The following DOCK5 variants were observed in gnomAD, a reference collection of about 807,000 sequenced individuals.
The protein encoded by DOCK5 is dedicator of cytokinesis protein 5.
A neutral mutation model predicts 251.8 loss-of-function variants in DOCK5; 142 were observed. That is an observed-to-expected ratio of 0.56 (90% CI 0.49 to 0.65). The LOEUF is 0.65. Ranked by LOEUF, DOCK5 falls within the 30% of genes least tolerant of loss-of-function variation. The pLI is 0.00. For synonymous variants in DOCK5, 842 were observed against 835.5 expected (o/e 1.01, Z -0.13); for missense variants, 2,111 against 2,312.3 (o/e 0.91, Z 1.79).
intron 1 of DOCK5, among the ~76,000 whole-genome samples, chr8:25,213,242 G>A (rs1162727829): frequency 6.6e-6 from 1 of 151,870 alleles, no homozygotes. Context: ...AAATGAATGG[G>A]CACCAGGATG....
At chr8:25,250,475 C>A (rs575695294) in intron 2 of DOCK5, among the ~76,000 whole-genome samples, 2 of 152,252 alleles carry the variant, frequency 1.3e-5, no homozygotes, top group Admixed American at 1.3e-4. Context: ...TATTTGGCAG[C>A]GAGGTAGCTG....
chr8:25,220,470 C>T (rs550003536), intron 1 of DOCK5, among the ~76,000 whole-genome samples: 3 of 152,182 alleles, frequency 2.0e-5, no homozygotes, highest in East Asian at 3.9e-4. Flanking sequence ...GATTTCATAC[C>T]GAGGCAGGAC....
intron 23 of DOCK5, 108 bp from the exon 24 acceptor site, chr8:25,341,631 G>A: frequency 1.1e-6 from 1 of 875,272 alleles, no homozygotes; most frequent in Non-Finnish European, 1.8e-6. Flanking sequence ...TCTGTGTCCA[G>A]TTCCCTATAT....
intron 2 of DOCK5, among the ~76,000 whole-genome samples, chr8:25,258,508 A>G (rs917834103): frequency 8.5e-5 from 13 of 152,146 alleles, no homozygotes; most frequent in Non-Finnish European, 5.9e-5. Flanking sequence ...GGTGTCACAC[A>G]AGCTCTCTTT....
intron 1 of DOCK5, among the ~76,000 whole-genome samples, chr8:25,233,505 A>G (rs537206660): frequency 6.6e-6 from 1 of 152,282 alleles, no homozygotes; most frequent in African/African-American, 2.4e-5. Flanking sequence ...CAAAGACATG[A>G]CCAATAGTTG....
chr8:25,184,872 G>T lies in DOCK5; in HGVS notation c.-37G>T. ...GGCCGGAGCCCGAGGAGCTGTAGCA[G>T]CCTTAGTCGCCGCCGCCGCGGGGCG... On this transcript the variant is annotated 5_prime_UTR_variant, in exon 1 of 52. Transcript: ENST00000276440. 1 of 1,355,130 alleles carries T rather than the reference G, an allele frequency of 7.4e-7. No homozygotes were observed. Among genetic ancestry groups the T allele is most frequent in the Non-Finnish European group, 9.5e-7 (1 of 1,047,418 alleles). The allele number at this position is 1,355,130 out of a possible 1,614,324, so 83.9% of individuals were successfully genotyped here. A position where few individuals can be genotyped will look rare whatever the true frequency, so the allele number is the denominator to read the frequency against.
chr8:25,292,306 T>C (rs1804513813), intron 6 of DOCK5, 134 bp downstream of exon 6: 1 of 1,078,924 alleles, frequency 9.3e-7, no homozygotes, highest in South Asian at 1.8e-5. Flanking sequence ...CATTTTGTCT[T>C]TGAAGACATT....
chr8:25,214,474 G>T (rs1453618065), intron 1 of DOCK5, among the ~76,000 whole-genome samples: 4 of 152,068 alleles, frequency 2.6e-5, no homozygotes, highest in Non-Finnish European at 5.9e-5. Context: ...GCAAATATGG[G>T]TTGTGTCTAA....
In DOCK5 at chr8:25,223,509, C is replaced by T. The variant is rs1317928137; in HGVS notation, c.44-20165C>T. 2.0e-5 allele frequency among the ~76,000 whole-genome samples: 3 copies of T among 152,170 alleles called. No individual in the cohort carries two copies. The South Asian group carries it at 6.2e-4, about 31-fold the overall frequency. On this transcript the variant is annotated intron_variant, in intron 1 of 51. Coordinates refer to ENST00000276440, the MANE Select transcript of DOCK5 (RefSeq NM_024940.8). ...TTTAAATTATTTGTAGAGATGAGGTCTCGCTCTGCTGCCCAGCCTGGTCTC... is the reference window on the plus strand; with the variant it reads ...TTTAAATTATTTGTAGAGATGAGGTTTCGCTCTGCTGCCCAGCCTGGTCTC...
intron 18 of DOCK5, among the ~76,000 whole-genome samples, chr8:25,327,287 A>AT (rs1805585349): frequency 6.6e-6 from 1 of 152,160 alleles, no homozygotes; most frequent in African/African-American, 2.4e-5. Flanking sequence ...TCTTTTTGGT[A>AT]TTTTCCAAAT....
chr8:25,365,366 A>G (rs2117274449), intron 30 of DOCK5, among the ~76,000 whole-genome samples: 1 of 152,302 alleles, frequency 6.6e-6, no homozygotes, highest in South Asian at 2.1e-4. Context: ...CTTTGCGTGT[A>G]TCTGTGGAAC....
At chr8:25,299,611 A>G (rs1391271839) in intron 8 of DOCK5, 1 of 152,362 alleles carries the variant, frequency 6.6e-6, no homozygotes, top group African/African-American at 2.4e-5. Flanking sequence ...GAATGTTGGT[A>G]GCAAAGGAGG....
chr8:25,277,449 G>A (rs890746315), intron 4 of DOCK5: 20 of 151,626 alleles, frequency 1.3e-4, no homozygotes, highest in African/African-American at 4.1e-4. Context: ...AAAGAGGAAG[G>A]GCCCACCAAG....
intron 10 of DOCK5, 107 bp from the exon 11 acceptor site, chr8:25,304,148 C>G (rs531981266): frequency 1.1e-6 from 1 of 935,078 alleles, no homozygotes; most frequent in African/African-American, 1.7e-5. Flanking sequence ...CTGCTTAGTA[C>G]CTTTCTTCCT....
At chr8:25,404,215 TC>T (rs1301867049) in intron 48 of DOCK5, among the ~76,000 whole-genome samples, 1 of 152,182 alleles carries the variant, frequency 6.6e-6, no homozygotes, top group Non-Finnish European at 1.5e-5. Context: ...TATGTGTTCT[TC>T]CCCACACTTT....
At chr8:25,391,780 A>G in intron 42 of DOCK5, 116 bp from the exon 43 acceptor site, 1 of 757,184 alleles carries the variant, frequency 1.3e-6, no homozygotes, top group Non-Finnish European at 2.1e-6. Flanking sequence ...TGATTATGAG[A>G]TAGCTTAGTG....
intron 22 of DOCK5, among the ~76,000 whole-genome samples, chr8:25,337,712 A>G (rs1805851420): frequency 6.6e-6 from 1 of 151,108 alleles, no homozygotes; most frequent in South Asian, 2.1e-4. Context: ...CAGCCTCCCG[A>G]GTAGCTGGGA....
rs1376350809 is a variant in DOCK5 at position 25,376,181 on chromosome 8, TG to T, written c.3817-1123del. 1.0e-5 allele frequency: 10 copies of T among 985,102 alleles called. No individual in the cohort carries two copies. The East Asian group carries it at 1.1e-3, about 112-fold the overall frequency. The allele number at this position is 985,102 out of a possible 1,614,324, so 61.0% of individuals were successfully genotyped here. A position where few individuals can be genotyped will look rare whatever the true frequency, so the allele number is the denominator to read the frequency against. ...GTTGACTGTGGATTTCGCCATTGTA[TG>T]ATCAGAAAGAAATCCCCAGTGTCTG... On this transcript the variant is annotated intron_variant, in intron 37 of 51. Coordinates refer to ENST00000276440, the MANE Select transcript of DOCK5 (RefSeq NM_024940.8).
At chr8:25,195,643 A>G (rs1801705062) in intron 1 of DOCK5, among the ~76,000 whole-genome samples, 1 of 152,108 alleles carries the variant, frequency 6.6e-6, no homozygotes. Context: ...GTTTCCCTAG[A>G]TCTTTAGATG....
Sources: gnomAD v4.1 joint callset for allele counts (sites outside exome capture counted in the v4.1 genomes callset) on GRCh38, gnomAD v4.1.1 for gene constraint, MANE v1.5 for transcripts, NCBI Gene and HGNC (gene_info 2026-07-23, HGNC 2026-07-21) for gene names.